ATF6: variants seen among roughly 807,000 people sequenced by gnomAD.
ATF6 encodes cyclic AMP-dependent transcription factor ATF-6 alpha.
In ATF6, 53 loss-of-function variants were observed where a neutral mutation model predicts 83.6. That is an observed-to-expected ratio of 0.63 (90% CI 0.51 to 0.80). ATF6 has a LOEUF of 0.80. Ranked by LOEUF, ATF6 falls within the 30% of genes least tolerant of loss-of-function variation. The pLI is 0.00. For synonymous variants in ATF6, 288 were observed against 285.8 expected, an observed-to-expected ratio of 1.01 and a Z score of -0.08; for missense variants, 744 against 797.9, an observed-to-expected ratio of 0.93 and a Z score of 0.81.
chr1:161,958,113 C>A (rs1311323236), intron 15 of ATF6, among the ~76,000 whole-genome samples: 1 of 152,170 alleles, frequency 6.6e-6, no homozygotes, highest in African/African-American at 2.4e-5. Context: ...GTTCCAGTTG[C>A]TCCAATCAGA....
Position 161,766,451 on chromosome 1 carries a change from G to A in ATF6, c.82+9G>A. 1 of 1,612,264 alleles carries A rather than the reference G, an allele frequency of 6.2e-7. No individual in the cohort carries two copies. Among genetic ancestry groups the A allele is most frequent in the Non-Finnish European group, 8.5e-7 (1 of 1,179,010 alleles). ...GCTGGATGAAGATTGGGGTGAGTGG[G>A]ATCTGAGAATGTACCAGGGTGGCTC... On this transcript the variant is annotated intron_variant, in intron 1 of 15. Transcript: ENST00000367942.
chr1:161,945,364 TCCTTA>T (rs574272336), intron 15 of ATF6, among the ~76,000 whole-genome samples: 131 of 152,330 alleles, frequency 8.6e-4, no homozygotes, highest in African/African-American at 3.0e-3. Context: ...TCTTTATTTC[TCCTTA>T]CCCTTGAGCA....
chr1:161,922,853 G>C (rs1243465803), intron 15 of ATF6, among the ~76,000 whole-genome samples: 1 of 152,098 alleles, frequency 6.6e-6, no homozygotes, highest in African/African-American at 2.4e-5. Flanking sequence ...CATCAGACAG[G>C]GAATTGTAGG....
chr1:161,886,140 TCAGA>T (rs1361292100), intron 14 of ATF6, among the ~76,000 whole-genome samples: 5 of 152,152 alleles, frequency 3.3e-5, no homozygotes, highest in Non-Finnish European at 7.4e-5. Flanking sequence ...GTGTGGCATT[TCAGA>T]CAGAGAGGTG....
chr1:161,820,803 C>G (rs1371224881), intron 8 of ATF6, among the ~76,000 whole-genome samples: 1 of 152,020 alleles, frequency 6.6e-6, no homozygotes, highest in Non-Finnish European at 1.5e-5. Flanking sequence ...GAAGAGGCAA[C>G]TGCAATGGAG....
chr1:161,803,698 A>C (rs1685210814), intron 7 of ATF6, among the ~76,000 whole-genome samples: 1 of 152,212 alleles, frequency 6.6e-6, no homozygotes, highest in African/African-American at 2.4e-5. Flanking sequence ...AAAAAATGAC[A>C]ATAACAAAAA....
chr1:161,934,892 T>G (rs879569126), intron 15 of ATF6, among the ~76,000 whole-genome samples: 4 of 152,154 alleles, frequency 2.6e-5, no homozygotes, highest in Non-Finnish European at 4.4e-5. Context: ...GTGATAACCA[T>G]TCCCAAGAAG....
At chr1:161,857,381 G>A (rs1686788084) in intron 12 of ATF6, among the ~76,000 whole-genome samples, 1 of 152,008 alleles carries the variant, frequency 6.6e-6, no homozygotes, top group African/African-American at 2.4e-5. Flanking sequence ...TAAGCATTAT[G>A]TCTTTGATTT....
chr1:161,860,144 A>G (rs1302132842), intron 12 of ATF6, 63 bp from the exon 13 acceptor site: 2 of 1,152,294 alleles, frequency 1.7e-6, no homozygotes, highest in East Asian at 2.5e-5. Context: ...ATGAACCAGT[A>G]TAGGAAGATT....
intron 14 of ATF6, among the ~76,000 whole-genome samples, chr1:161,898,122 C>A (rs990051536): frequency 4.6e-5 from 7 of 152,150 alleles, no homozygotes; most frequent in Non-Finnish European, 1.0e-4. Context: ...AAAAGCCATT[C>A]AGAGAGAGGC....
chr1:161,895,364 G>C lies in ATF6; in HGVS notation c.1720-16932G>C, dbSNP rs146595820. 2.0e-5 allele frequency among the ~76,000 whole-genome samples: 3 copies of C among 152,300 alleles called. No homozygotes were observed. In the East Asian group the frequency reaches 5.8e-4, roughly 29 times the overall value. ...CTAACAAAATCATTACTATTTGTGT[G>C]TGTTTTACTTATTTTAAAGGATGCA... On this transcript the variant is annotated intron_variant, in intron 14 of 15. Coordinates refer to ENST00000367942, the MANE Select transcript of ATF6 (RefSeq NM_007348.4).
At chr1:161,821,954 A>G (rs1212474339) in intron 9 of ATF6, among the ~76,000 whole-genome samples, 3 of 152,172 alleles carry the variant, frequency 2.0e-5, no homozygotes, top group Non-Finnish European at 4.4e-5. Flanking sequence ...GGGATTTGTT[A>G]ACTGGTATAA....
intron 6 of ATF6, among the ~76,000 whole-genome samples, chr1:161,798,985 A>G (rs1185896022): frequency 6.6e-6 from 1 of 152,244 alleles, no homozygotes; most frequent in African/African-American, 2.4e-5. Context: ...GTGAATGCAT[A>G]TACATTGCTG....
intron 14 of ATF6, chr1:161,891,063 A>C (rs1466361714): frequency 6.6e-6 from 1 of 152,224 alleles, no homozygotes; most frequent in Non-Finnish European, 1.5e-5. Flanking sequence ...CTTGGAGCTG[A>C]ATAGCCGAGT....
intron 6 of ATF6, among the ~76,000 whole-genome samples, chr1:161,795,508 C>T (rs182143511): frequency 6.6e-6 from 1 of 152,226 alleles, no homozygotes; most frequent in Admixed American, 6.5e-5. Context: ...CACACCGATG[C>T]TGTTTCAGAC....
chr1:161,867,788 T>G (rs1324959768), intron 14 of ATF6, among the ~76,000 whole-genome samples: 1 of 152,242 alleles, frequency 6.6e-6, no homozygotes, highest in East Asian at 1.9e-4. Flanking sequence ...TTCAAATACA[T>G]ACATAATATT....
At chr1:161,898,722 A>G (rs1453180912) in intron 14 of ATF6, among the ~76,000 whole-genome samples, 1 of 151,810 alleles carries the variant, frequency 6.6e-6, no homozygotes, top group Non-Finnish European at 1.5e-5. Context: ...TAATTTTTGT[A>G]TTTTTAGTAG....
At chr1:161,823,805 CTT>C (rs1685819038) in intron 9 of ATF6, among the ~76,000 whole-genome samples, 1 of 152,178 alleles carries the variant, frequency 6.6e-6, no homozygotes, top group African/African-American at 2.4e-5. Context: ...CTTTGAAAGA[CTT>C]TTAGGATCCC....
chr1:161,786,858 A>C (rs1684759290), intron 4 of ATF6, among the ~76,000 whole-genome samples: 1 of 152,210 alleles, frequency 6.6e-6, no homozygotes. Context: ...TTAGACTATC[A>C]AAAGGACCCA....
Sources: allele counts gnomAD v4.1 joint callset (sites outside exome capture counted in the v4.1 genomes callset), GRCh38; gene constraint gnomAD v4.1.1; transcripts MANE v1.5; gene names NCBI Gene and HGNC (gene_info 2026-07-23, HGNC 2026-07-21).